The following EVC2 variants were observed in gnomAD, a reference collection of about 807,000 sequenced individuals.
EVC2 encodes EvC ciliary complex subunit 2.
Under a neutral mutation model 149.3 loss-of-function variants are expected in EVC2, and 148 were observed. That is an observed-to-expected ratio of 0.99 (90% CI 0.87 to 1.14). The LOEUF (loss-of-function observed/expected upper bound fraction) is 1.14. Among genes scored for constraint, EVC2 ranks in the 50% most tolerant of loss-of-function variants. The probability of loss-of-function intolerance (pLI) is 0.00; values close to 1 mark genes in which losing one functional copy is unlikely to be tolerated. For synonymous variants in EVC2, 776 were observed against 649.9 expected (o/e 1.19, Z -2.95); for missense variants, 1,854 against 1,627.3 (o/e 1.14, Z -2.40).
In EVC2 at chr4:5,694,832, G is replaced by T. The variant is rs558628690; in HGVS notation, c.284-331C>A. Among the ~76,000 whole-genome samples, 2 of 152,328 alleles carry T rather than the reference G, an allele frequency of 1.3e-5. 1 individual carries two copies. The highest frequency in any genetic ancestry group is 4.8e-5 in the African/African-American group (2 of 41,572). Reference sequence around the variant, plus strand: ...TGACATTAGACAGCCCTGGGCTTGAGTCCTGGCTCTGCCCCTCCAGCTGTG... The same window carrying T: ...TGACATTAGACAGCCCTGGGCTTGATTCCTGGCTCTGCCCCTCCAGCTGTG... On this transcript the variant is annotated intron_variant, in intron 2 of 21. Transcript: ENST00000344408.
Position 5,625,631 on chromosome 4 carries a change from T to C in EVC2, c.2046+118A>G, listed in dbSNP as rs1020811408. On this transcript the variant is annotated intron_variant, in intron 13 of 21. Transcript: ENST00000344408. This position sits in a 1 kb window ranked among gnomAD's most constrained non-coding sequence, Gnocchi z 4.0. ...ACAGTAGATGGCACATCATGGTGCC[T>C]GCCCAGCTGCCCTTCTGATCCTAGT... 8.6e-5 allele frequency: 117 copies of C among 1,353,264 alleles called. No individual in the cohort carries two copies. The highest frequency in any genetic ancestry group is 2.5e-4 in the Middle Eastern group (1 of 3,972). 83.8% of individuals were successfully genotyped at this position (1,353,264 alleles called of 1,614,324 possible).
intron 10 of EVC2, 96 bp from the exon 11 acceptor site, chr4:5,632,128 C>G: frequency 1.4e-6 from 2 of 1,476,652 alleles, no homozygotes; most frequent in East Asian, 2.3e-5. Context: ...TGTGCACACA[C>G]AATGTGTACA....
chr4:5,631,993 C>T lies in EVC2; in HGVS notation c.1510G>A (p.Gly504Ser), dbSNP rs747782390. ...ECSNLLRTLH[G>S]LEQEHLRKSL... ...TTCCTCAAGTGCTCCTGTTCCAGGC[C>T]ATGGAGGGTCCGCAGAAGGTTGCTG... The change falls in exon 11 of 22, where the codon GGC becomes AGC. Residue 504 changes from glycine to serine, a missense_variant. Physicochemically the swap from Gly to Ser is moderately conservative, Grantham distance 56. Transcript: ENST00000344408. The T allele has an allele frequency of 1.2e-6, 2 of 1,614,184 alleles. No individual in the cohort carries two copies. Among genetic ancestry groups the T allele is most frequent in the Admixed American group, 3.3e-5 (2 of 60,018 alleles).
At chr4:5,676,553 A>C (rs1720007442) in intron 7 of EVC2, among the ~76,000 whole-genome samples, 2 of 152,182 alleles carry the variant, frequency 1.3e-5, no homozygotes, top group Non-Finnish European at 2.9e-5. Context: ...TATGACTGCC[A>C]CGGCCTTGCC....
At chr4:5,542,978 A>T in intron 22 of EVC2, 1 of 412,252 alleles carries the variant, frequency 2.4e-6, no homozygotes, top group South Asian at 2.0e-5. Context: ...GTCCTCCCAC[A>T]CTTCTCCCCT....
chr4:5,665,657 G>A lies in EVC2; in HGVS notation c.871-8C>T. On this transcript the variant is annotated splice_polypyrimidine_tract_variant and splice_region_variant and intron_variant, in intron 7 of 21. Transcript: ENST00000344408. ...GCCGTGGTGCGGCAGAACCTGTGGA[G>A]ACAAGAGGAGAGCAGGATTCATGTG... 1 of 1,614,012 alleles carries A rather than the reference G, an allele frequency of 6.2e-7. No homozygotes were observed. The highest frequency in any genetic ancestry group is 8.5e-7 in the Non-Finnish European group (1 of 1,179,974).
chr4:5,655,023 G>C (rs1560199839), intron 9 of EVC2, among the ~76,000 whole-genome samples: 1 of 152,178 alleles, frequency 6.6e-6, no homozygotes, highest in Non-Finnish European at 1.5e-5. Context: ...CTGAAGGAGA[G>C]CACAGTCAAC....
intron 16 of EVC2, among the ~76,000 whole-genome samples, chr4:5,600,849 C>T (rs1211320393): frequency 6.6e-6 from 1 of 152,186 alleles, no homozygotes; most frequent in African/African-American, 2.4e-5. Flanking sequence ...CCACTCTCTT[C>T]CCTACAACCA....
chr4:5,642,309 T>C (rs558469543), intron 9 of EVC2, among the ~76,000 whole-genome samples: 2 of 152,340 alleles, frequency 1.3e-5, no homozygotes, highest in South Asian at 4.1e-4. Flanking sequence ...TCCAGCCTTT[T>C]TTCTATGCAT....
At chr4:5,540,054 G>T (rs1047121635), downstream of EVC2, among the ~76,000 whole-genome samples, 2 of 152,150 alleles carry the variant, frequency 1.3e-5, no homozygotes, top group Non-Finnish European at 2.9e-5. Flanking sequence ...CAACCCAAAA[G>T]ATCTAACCAG....
intron 7 of EVC2, among the ~76,000 whole-genome samples, chr4:5,668,735 G>A (rs914130789): frequency 2.6e-5 from 4 of 152,164 alleles, no homozygotes; most frequent in African/African-American, 7.2e-5. Flanking sequence ...TTTCATCTTC[G>A]AGAAGAGGGA....
At position 5,594,092 on chromosome 4, in the gene EVC2, C is replaced by T. The variant is rs1239584976; in HGVS notation, c.2830-9242G>A. On this transcript the variant is annotated intron_variant, in intron 16 of 21. Coordinates refer to ENST00000344408, the MANE Select transcript of EVC2 (RefSeq NM_147127.5). The stretch of plus-strand genomic sequence containing the variant: ...GAAGCTCAAACTGGGTGGAGCCCAC[C>T]ACAGCTCAAGCAGGCCTGCCTGCCT... Among the ~76,000 whole-genome samples the T allele has an allele frequency of 2.0e-5, 3 of 152,276 alleles. No individual in the cohort carries two copies. The East Asian group carries it at 5.8e-4, about 30-fold the overall frequency.
At chr4:5,690,792 A>G (rs1721071059) in intron 4 of EVC2, among the ~76,000 whole-genome samples, 1 of 152,106 alleles carries the variant, frequency 6.6e-6, no homozygotes. Flanking sequence ...TTTCTCTGTA[A>G]TGAACTGTAA....
In EVC2 at chr4:5,568,591, G is replaced by T. The variant is rs771699143; in HGVS notation, c.3410C>A (p.Ala1137Asp). The change falls in exon 20 of 22, where the codon GCC (alanine) becomes GAC (aspartate). Residue 1137 changes from alanine to aspartate, a missense_variant. By Grantham distance (126) the Ala-to-Asp change is moderately radical. Transcript: ENST00000344408. Reference sequence around the variant, plus strand: ...CACACTCAGGAGCCGGCGAAGCGTGGCCCCGGGCACCATGGCCATCCTCGC... The same window carrying T: ...CACACTCAGGAGCCGGCGAAGCGTGTCCCCGGGCACCATGGCCATCCTCGC... ...YLARMAMVPG[A>D]TLRRLLSVVL... is the part of the protein sequence containing the mutation. 1.2e-6 allele frequency: 2 copies of T among 1,608,542 alleles called. No individual in the cohort carries two copies. Among genetic ancestry groups the T allele is most frequent in the East Asian group, 2.2e-5 (1 of 44,820 alleles).
chr4:5,697,328 T>G (rs1241810471), intron 2 of EVC2, among the ~76,000 whole-genome samples: 2 of 152,198 alleles, frequency 1.3e-5, no homozygotes, highest in Non-Finnish European at 1.5e-5. Context: ...AATTCACACG[T>G]TCTGTTTCAT....
At chr4:5,692,740 G>A (rs35006096) in intron 3 of EVC2, among the ~76,000 whole-genome samples, 40,130 of 150,286 alleles carry the variant, frequency 0.27, 6,557 homozygotes, top group South Asian at 0.35. Context: ...GGTGGCGGGC[G>A]CCTGTAGTCC....
At chr4:5,674,609 G>A (rs1349055494) in intron 7 of EVC2, among the ~76,000 whole-genome samples, 2 of 152,156 alleles carry the variant, frequency 1.3e-5, no homozygotes. Flanking sequence ...TGCAGATGCT[G>A]GTCAGGGTCC....
rs529296274 is a variant in EVC2, at chr4:5,678,296, G to A, written c.870+2964C>T. ...AGCCCCCAGTGAAAATTCTGGCACTGAGTCTCTAAGGAGCCTCCCTGGTAG... is the reference window on the plus strand; with the variant it reads ...AGCCCCCAGTGAAAATTCTGGCACTAAGTCTCTAAGGAGCCTCCCTGGTAG... On this transcript the variant is annotated intron_variant, in intron 7 of 21. Transcript: ENST00000344408. 3.9e-5 allele frequency among the ~76,000 whole-genome samples: 6 copies of A among 152,316 alleles called. No homozygotes were observed. The East Asian group carries it at 1.2e-3, about 29-fold the overall frequency.
chr4:5,657,568 A>G lies in EVC2; in HGVS notation c.1145+5539T>C, dbSNP rs1430625174. On this transcript the variant is annotated intron_variant, in intron 9 of 21. Coordinates refer to ENST00000344408, the MANE Select transcript of EVC2 (RefSeq NM_147127.5). This position sits in a 1 kb window ranked among gnomAD's most constrained non-coding sequence, Gnocchi z 4.7. ...TGCTATCATGTACCTTATAGCCTCAAATTTTCTCTGCAGGCGACTTTCCAC... is the reference window on the plus strand; with the variant it reads ...TGCTATCATGTACCTTATAGCCTCAGATTTTCTCTGCAGGCGACTTTCCAC... Among the ~76,000 whole-genome samples the G allele has an allele frequency of 6.6e-6, 1 of 151,872 alleles. No homozygotes were observed. Among genetic ancestry groups the G allele is most frequent in the Non-Finnish European group, 1.5e-5 (1 of 67,988 alleles).
Sources: allele counts gnomAD v4.1 joint callset (sites outside exome capture counted in the v4.1 genomes callset), GRCh38; gene constraint gnomAD v4.1.1; non-coding constraint Gnocchi (gnomAD v3.1); transcripts MANE v1.5; gene names NCBI Gene and HGNC (gene_info 2026-07-23, HGNC 2026-07-21).